Variants in GNAQ observed in about 807,000 individuals in gnomAD.
The protein encoded by GNAQ is guanine nucleotide-binding protein G(q) subunit alpha.
GNAQ carries 8 observed loss-of-function variants against 43.9 expected under a neutral mutation model. The observed-to-expected ratio is 0.18, with a 90% CI of 0.11 to 0.33. The LOEUF is 0.33. GNAQ is among the 10% of genes least tolerant of loss of function. GNAQ has a pLI of 1.00. For missense variants in GNAQ, 158 were observed against 450.8 expected (o/e 0.35, Z 5.88); for synonymous variants, 155 against 170.7 (o/e 0.91, Z 0.71).
At chr9:77,951,092 CTTTTT>C (rs35044662) in intron 1 of GNAQ, among the ~76,000 whole-genome samples, 1 of 89,316 alleles carries the variant, frequency 1.1e-5, no homozygotes, top group Non-Finnish European at 2.0e-5. Flanking sequence ...GTCAAGTGTT[CTTTTT>C]TTTTTTTTTT....
intron 2 of GNAQ, among the ~76,000 whole-genome samples, chr9:77,851,722 T>C (rs532118166): frequency 9.9e-5 from 15 of 152,216 alleles, no homozygotes; most frequent in Non-Finnish European, 2.2e-4. Context: ...CAAATGCTGG[T>C]AGCAGCATGT....
intron 2 of GNAQ, among the ~76,000 whole-genome samples, chr9:77,821,724 G>GGTGTGTGTGTGTGTGTGT (rs1554718670): frequency 7.0e-6 from 1 of 142,308 alleles, no homozygotes; most frequent in African/African-American, 2.7e-5. Flanking sequence ...TCCTAGTATG[G>GGTGTGTGTGTGTGTGTGT]GTGTGTGTGT....
chr9:77,867,307 T>C (rs1042097547), intron 2 of GNAQ, among the ~76,000 whole-genome samples: 1 of 152,210 alleles, frequency 6.6e-6, no homozygotes, highest in African/African-American at 2.4e-5. Flanking sequence ...TGAAAAATTA[T>C]ATAGAAGCCT....
At chr9:77,902,747 T>C (rs184688280) in intron 2 of GNAQ, among the ~76,000 whole-genome samples, 13 of 152,264 alleles carry the variant, frequency 8.5e-5, no homozygotes, top group African/African-American at 2.6e-4. Context: ...TAAATTTGAA[T>C]GGAGGCTGCA....
chr9:77,818,190 C>T (rs1438073998), intron 2 of GNAQ, among the ~76,000 whole-genome samples: 1 of 152,068 alleles, frequency 6.6e-6, no homozygotes, highest in Non-Finnish European at 1.5e-5. Context: ...GAGCAATCAC[C>T]ATGTTGCCTT....
At chr9:78,024,327 C>T (rs1823949740) in intron 1 of GNAQ, among the ~76,000 whole-genome samples, 1 of 152,148 alleles carries the variant, frequency 6.6e-6, no homozygotes, top group Non-Finnish European at 1.5e-5. Context: ...AAATGGAGGA[C>T]ATATGGATGA....
intron 1 of GNAQ, among the ~76,000 whole-genome samples, 189 bp downstream of exon 1, chr9:78,030,887 CTGTGTGTGTGTGTGTGTGTGTGTG>C (rs35071779): frequency 2.1e-5 from 3 of 146,078 alleles, no homozygotes; most frequent in Admixed American, 6.8e-5. Flanking sequence ...GTGTGTGTCG[CTGTGTGTGTGTGTGTGTGTGTGTG>C]TGTGTGTGTC....
chr9:77,951,825 T>G (rs539664346), intron 1 of GNAQ, among the ~76,000 whole-genome samples: 1 of 152,286 alleles, frequency 6.6e-6, no homozygotes, highest in African/African-American at 2.4e-5. Context: ...ATCTCAAAGC[T>G]CACATTTCAA....
intron 2 of GNAQ, among the ~76,000 whole-genome samples, chr9:77,864,113 A>T (rs181897198): frequency 6.3e-4 from 95 of 151,990 alleles, no homozygotes; most frequent in African/African-American, 2.2e-3. Flanking sequence ...GGCAAAGGGA[A>T]GCAGGCACCA....
At chr9:78,010,435 T>A (rs555971301) in intron 1 of GNAQ, among the ~76,000 whole-genome samples, 26 of 152,262 alleles carry the variant, frequency 1.7e-4, no homozygotes, top group African/African-American at 5.8e-4. Flanking sequence ...AATGTTCTCA[T>A]CACTGAATTT....
At chr9:77,994,464 T>A (rs1476541884) in intron 1 of GNAQ, among the ~76,000 whole-genome samples, 2 of 152,180 alleles carry the variant, frequency 1.3e-5, no homozygotes, top group African/African-American at 4.8e-5. Context: ...CCTTCAGAAC[T>A]TTGTGGAACA....
intron 1 of GNAQ, among the ~76,000 whole-genome samples, chr9:77,969,763 A>G (rs2118453359): frequency 6.6e-6 from 1 of 152,296 alleles, no homozygotes; most frequent in East Asian, 1.9e-4. Context: ...AAGGCATCAA[A>G]TTCATATATC....
chr9:77,878,214 A>C (rs1441847812), intron 2 of GNAQ, among the ~76,000 whole-genome samples: 1 of 150,290 alleles, frequency 6.7e-6, no homozygotes, highest in Non-Finnish European at 1.5e-5. Context: ...AAAGTGGAAG[A>C]GGTATTTGGT....
chr9:77,994,739 C>A (rs1303340878), intron 1 of GNAQ, among the ~76,000 whole-genome samples: 2 of 152,152 alleles, frequency 1.3e-5, no homozygotes, highest in African/African-American at 2.4e-5. Context: ...ACTTCATTCG[C>A]CCCGTTAAAA....
At chr9:77,945,977 G>A (rs1822888841) in intron 1 of GNAQ, among the ~76,000 whole-genome samples, 1 of 152,178 alleles carries the variant, frequency 6.6e-6, no homozygotes, top group African/African-American at 2.4e-5. Context: ...CATTTCTTCA[G>A]TCCTAAACAG....
At chr9:77,728,736 T>C in intron 5 of GNAQ, 69 bp from the exon 6 acceptor site, 1 of 1,130,462 alleles carries the variant, frequency 8.8e-7, no homozygotes, top group Non-Finnish European at 1.3e-6. Flanking sequence ...GTGAATTGTG[T>C]TTATTTTATA....
chr9:77,976,903 T>C (rs571986576), intron 1 of GNAQ, among the ~76,000 whole-genome samples: 8 of 152,122 alleles, frequency 5.3e-5, no homozygotes, highest in African/African-American at 1.9e-4. Flanking sequence ...TGGCCAGAGG[T>C]CCCACCCAGT....
At chr9:77,952,244 T>C (rs561831467) in intron 1 of GNAQ, among the ~76,000 whole-genome samples, 25 of 152,344 alleles carry the variant, frequency 1.6e-4, no homozygotes, top group African/African-American at 5.5e-4. Context: ...ATTGTTGCTG[T>C]TGTTGTTGTT....
intron 5 of GNAQ, among the ~76,000 whole-genome samples, chr9:77,785,815 A>C (rs1826468017): frequency 1.3e-5 from 2 of 152,222 alleles, no homozygotes; most frequent in Non-Finnish European, 2.9e-5. Context: ...CACAATTTGA[A>C]GCAATTGTGA....
Sources: allele counts gnomAD v4.1 joint callset (sites outside exome capture counted in the v4.1 genomes callset), GRCh38; gene constraint gnomAD v4.1.1; transcripts MANE v1.5; gene names NCBI Gene and HGNC (gene_info 2026-07-23, HGNC 2026-07-21).